PCDHGA7: variants seen among roughly 807,000 people sequenced by gnomAD.
PCDHGA7 encodes protocadherin gamma subfamily A, 7, also known as protocadherin gamma-A7.
PCDHGA7 carries 44 observed loss-of-function variants against 58.3 expected under a neutral mutation model. The ratio of observed to expected loss-of-function variants is 0.75; its 90% CI spans 0.59 to 0.97. The LOEUF is 0.97. PCDHGA7 is among the 50% of genes least tolerant of loss of function. PCDHGA7 has a pLI of 0.00. For synonymous variants in PCDHGA7, 516 were observed against 504.2 expected, an observed-to-expected ratio of 1.02 and a Z score of -0.31; for missense variants, 1,266 against 1,188.7, an observed-to-expected ratio of 1.06 and a Z score of -0.96.
In PCDHGA7 at chr5:141,431,248, G is replaced by C. The variant is rs1213088915; in HGVS notation, c.2424+45925G>C. On this transcript the variant is annotated intron_variant, in intron 1 of 3. Coordinates refer to ENST00000518325, the MANE Select transcript of PCDHGA7 (RefSeq NM_018920.4). This position sits in a 1 kb window ranked among gnomAD's most constrained non-coding sequence, Gnocchi z 4.8. ...CCCACGCCTGGGATCCGGATATCGG[G>C]AAGAACTCTCTGCAGAGCTACGAGC... is the stretch of plus-strand genomic sequence containing the variant. 5 of 1,614,022 alleles carry C rather than the reference G, an allele frequency of 3.1e-6. No homozygotes were observed. Among genetic ancestry groups the C allele is most frequent in the Non-Finnish European group, 4.2e-6 (5 of 1,180,056 alleles).
rs747437039 is a variant in PCDHGA7 at position 141,413,919 on chromosome 5, G to T, written c.2424+28596G>T. The T allele has an allele frequency of 1.2e-5, 19 of 1,613,284 alleles. 1 individual carries two copies. The highest frequency in any genetic ancestry group is 1.6e-5 in the Non-Finnish European group (19 of 1,179,890). ...ATGACAACGCGCCGGTCTTCACCTT[G>T]CCAGAATACCGAGTGAGTGTTCCTG... On this transcript the variant is annotated intron_variant, in intron 1 of 3. Transcript: ENST00000518325.
intron 1 of PCDHGA7, chr5:141,409,594 C>G: frequency 1.2e-6 from 2 of 1,613,900 alleles, no homozygotes; most frequent in Non-Finnish European, 1.7e-6. Flanking sequence ...TGGCCGAGAA[C>G]AACCCGCCAG....
chr5:141,433,634 G>T (rs2097636752), intron 1 of PCDHGA7, among the ~76,000 whole-genome samples: 1 of 152,078 alleles, frequency 6.6e-6, no homozygotes, highest in Admixed American at 6.5e-5. Flanking sequence ...TTGGGAGTTT[G>T]AGACCAGCCT....
At chr5:141,393,458 G>C in intron 1 of PCDHGA7, 1 of 1,614,020 alleles carries the variant, frequency 6.2e-7, no homozygotes, top group Non-Finnish European at 8.5e-7. Flanking sequence ...TCACGGCCTC[G>C]GATGGCGGCA....
At chr5:141,394,373 C>T in intron 1 of PCDHGA7, 12 of 1,614,206 alleles carry the variant, frequency 7.4e-6, no homozygotes, top group Non-Finnish European at 1.0e-5. Context: ...TGCAATCTTT[C>T]GACTATGAGC....
chr5:141,415,761 T>G (rs1047830043), intron 1 of PCDHGA7: 49 of 1,399,492 alleles, frequency 3.5e-5, no homozygotes, highest in Admixed American at 1.6e-4. Context: ...TTTTTTTTTT[T>G]TTTTTTTTTT....
chr5:141,422,310 T>A, intron 1 of PCDHGA7: 1 of 1,546,532 alleles, frequency 6.5e-7, no homozygotes, highest in Non-Finnish European at 8.7e-7. Flanking sequence ...TGGAAAACTC[T>A]CCTCCAGGTA....
rs1321974739 is a variant in PCDHGA7, at chr5:141,432,755, G to A, written c.2424+47432G>A. The A allele has an allele frequency of 2.5e-6, 4 of 1,614,134 alleles. No individual in the cohort carries two copies. Among genetic ancestry groups the A allele is most frequent in the African/African-American group, 1.3e-5 (1 of 75,060 alleles). On this transcript the variant is annotated intron_variant, in intron 1 of 3. Coordinates refer to ENST00000518325, the MANE Select transcript of PCDHGA7 (RefSeq NM_018920.4). This position sits in a 1 kb window ranked among gnomAD's most constrained non-coding sequence, Gnocchi z 6.0. ...TGTCACGCTCACCGTGGCCGTGGCC[G>A]ACAGCATCCCCCAAGTCCTGGCGGA...
At chr5:141,461,273 C>A (rs1301916233) in intron 1 of PCDHGA7, among the ~76,000 whole-genome samples, 1 of 152,128 alleles carries the variant, frequency 6.6e-6, no homozygotes, top group Admixed American at 6.6e-5. Flanking sequence ...TAAGTGTTCT[C>A]TTTTCCCCAC....
chr5:141,465,348 A>G (rs886810999), intron 1 of PCDHGA7, among the ~76,000 whole-genome samples: 2 of 152,158 alleles, frequency 1.3e-5, no homozygotes, highest in African/African-American at 4.8e-5. Flanking sequence ...GTTACTGAAG[A>G]AAAAATGGGT....
At chr5:141,428,175 G>A (rs766332920) in intron 1 of PCDHGA7, 20 of 1,508,456 alleles carry the variant, frequency 1.3e-5, no homozygotes, top group Non-Finnish European at 1.8e-5. Flanking sequence ...GTGCGTGACG[G>A]AGGACAGCCG....
chr5:141,399,221 T>C (rs564668507), intron 1 of PCDHGA7: 1 of 1,613,960 alleles, frequency 6.2e-7, no homozygotes, highest in Non-Finnish European at 8.5e-7. Flanking sequence ...ATTGCTTTGA[T>C]CAAAATACAT....
chr5:141,414,435 C>T lies in PCDHGA7; in HGVS notation c.2424+29112C>T, dbSNP rs891322256. 4.3e-6 allele frequency: 7 copies of T among 1,613,678 alleles called. No homozygotes were observed. In the African/African-American group the frequency reaches 8.0e-5, roughly 18 times the overall value. On this transcript the variant is annotated intron_variant, in intron 1 of 3. Coordinates refer to ENST00000518325, the MANE Select transcript of PCDHGA7 (RefSeq NM_018920.4). ...GAGCCCTTGACAGGGAACAGGTATC[C>T]TCTTACAATATCACAGTGACAGCCA...
rs768206517 is a variant in PCDHGA7, at chr5:141,432,482, G to A, written c.2424+47159G>A. 10 of 1,614,060 alleles carry A rather than the reference G, an allele frequency of 6.2e-6. No homozygotes were observed. The highest frequency in any genetic ancestry group is 1.3e-5 in the African/African-American group (1 of 74,946). On this transcript the variant is annotated intron_variant, in intron 1 of 3. Coordinates refer to ENST00000518325, the MANE Select transcript of PCDHGA7 (RefSeq NM_018920.4). The surrounding 1 kb of genome is among the most constrained non-coding windows in gnomAD (Gnocchi z 6.0). ...CCTCCCCACGGACGGTTCCACTGGC[G>A]TGGAGCTGGCTCCCCGCTCCGCAGA...
intron 3 of PCDHGA7, among the ~76,000 whole-genome samples, chr5:141,510,048 G>GTGAT (rs1392197406): frequency 1.3e-5 from 2 of 152,192 alleles, no homozygotes; most frequent in Non-Finnish European, 2.9e-5. Context: ...GAGGTTAAAA[G>GTGAT]TGATTGTGCA....
At chr5:141,456,899 G>T (rs1592472053) in intron 1 of PCDHGA7, among the ~76,000 whole-genome samples, 1 of 152,212 alleles carries the variant, frequency 6.6e-6, no homozygotes, top group East Asian at 1.9e-4. Context: ...GGAGGCAGAG[G>T]TTGCAGTGAG....
At chr5:141,413,812 C>T in intron 1 of PCDHGA7, 2 of 1,613,144 alleles carry the variant, frequency 1.2e-6, no homozygotes, top group Non-Finnish European at 1.7e-6. Flanking sequence ...GGCCATTCAC[C>T]ACCTGGTCCT....
chr5:141,489,040 C>G lies in PCDHGA7; in HGVS notation c.2425-5767C>G. On this transcript the variant is annotated intron_variant, in intron 1 of 3. Coordinates refer to ENST00000518325, the MANE Select transcript of PCDHGA7 (RefSeq NM_018920.4). This position sits in a 1 kb window ranked among gnomAD's most constrained non-coding sequence, Gnocchi z 4.5. ...CCTCTCCTCCTCCAGCTCCCCAGCT[C>G]CACTCAAATTCAGCTCCCCTCCCCC... 1 of 479,752 alleles carries G rather than the reference C, an allele frequency of 2.1e-6. No homozygotes were observed. The highest frequency in any genetic ancestry group is 3.6e-6 in the Non-Finnish European group (1 of 274,204). 29.7% of individuals were successfully genotyped at this position (479,752 alleles called of 1,614,324 possible). A position where few individuals can be genotyped will look rare whatever the true frequency, so the allele number is the denominator to read the frequency against.
chr5:141,393,447 C>G, intron 1 of PCDHGA7: 1 of 1,614,052 alleles, frequency 6.2e-7, no homozygotes. Flanking sequence ...CCACCTGGTC[C>G]TCACGGCCTC....
Sources: gnomAD v4.1 joint callset for allele counts (sites outside exome capture counted in the v4.1 genomes callset) on GRCh38, gnomAD v4.1.1 for gene constraint, Gnocchi (gnomAD v3.1) non-coding constraint, MANE v1.5 for transcripts, NCBI Gene and HGNC (gene_info 2026-07-23, HGNC 2026-07-21) for gene names.